The following ZNF804B variants were observed in gnomAD, a reference collection of about 807,000 sequenced individuals.
ZNF804B encodes the protein zinc finger protein 804B.
ZNF804B carries 80 observed loss-of-function variants against 101.4 expected under a neutral mutation model. The observed-to-expected ratio is 0.79, with a 90% CI of 0.66 to 0.95. The LOEUF is 0.95. ZNF804B is among the 40% of genes least tolerant of loss of function. The probability of loss-of-function intolerance (pLI) is 0.00; values close to 1 mark genes in which losing one functional copy is unlikely to be tolerated. For synonymous variants in ZNF804B, 622 were observed against 558.8 expected (o/e 1.11, Z -1.59); for missense variants, 1,673 against 1,561.9 (o/e 1.07, Z -1.20).
At chr7:89,023,876 A>G (rs1788706550) in intron 1 of ZNF804B, among the ~76,000 whole-genome samples, 1 of 152,146 alleles carries the variant, frequency 6.6e-6, no homozygotes, top group Non-Finnish European at 1.5e-5. Flanking sequence ...TCATGTCACA[A>G]TTTTCCCACA....
intron 3 of ZNF804B, among the ~76,000 whole-genome samples, chr7:89,328,393 T>C (rs58322479): frequency 0.024 from 3,629 of 151,910 alleles, 118 homozygotes; most frequent in African/African-American, 0.082. Flanking sequence ...TTTATGAAAA[T>C]ACATAAAAGA....
chr7:89,134,528 A>G (rs919888744), intron 1 of ZNF804B, among the ~76,000 whole-genome samples: 11 of 152,094 alleles, frequency 7.2e-5, no homozygotes, highest in African/African-American at 2.7e-4. Context: ...TCTTTCAGGC[A>G]TGTGACTCCC....
chr7:88,788,899 T>A (rs1364911519), intron 1 of ZNF804B, among the ~76,000 whole-genome samples: 2 of 152,118 alleles, frequency 1.3e-5, no homozygotes, highest in African/African-American at 4.8e-5. Flanking sequence ...TCAACTGAAA[T>A]TACAGGTGAA....
At chr7:89,054,748 G>A (rs1251854593) in intron 1 of ZNF804B, among the ~76,000 whole-genome samples, 1 of 152,030 alleles carries the variant, frequency 6.6e-6, no homozygotes, top group Non-Finnish European at 1.5e-5. Flanking sequence ...GGAAGAGGAG[G>A]TAGTCAGGTG....
At chr7:88,767,846 C>A (rs111501045) in intron 1 of ZNF804B, among the ~76,000 whole-genome samples, 2 of 152,210 alleles carry the variant, frequency 1.3e-5, no homozygotes, top group Non-Finnish European at 1.5e-5. Flanking sequence ...CCATTGCAGA[C>A]GCTGTTCCCT....
At chr7:88,841,294 C>T (rs1390435399) in intron 1 of ZNF804B, among the ~76,000 whole-genome samples, 1 of 152,154 alleles carries the variant, frequency 6.6e-6, no homozygotes, top group Non-Finnish European at 1.5e-5. Context: ...GCCAGAAAGA[C>T]CAACAATGTG....
At chr7:88,812,338 G>A (rs1395888137) in intron 1 of ZNF804B, among the ~76,000 whole-genome samples, 1 of 152,072 alleles carries the variant, frequency 6.6e-6, no homozygotes, top group Non-Finnish European at 1.5e-5. Flanking sequence ...CATTACGATG[G>A]CTACTATCAA....
chr7:89,152,916 C>G (rs1057256209), intron 1 of ZNF804B, among the ~76,000 whole-genome samples: 2 of 152,000 alleles, frequency 1.3e-5, no homozygotes, highest in African/African-American at 4.8e-5. Context: ...GGCCTTTGCC[C>G]CTGCCACCTT....
At chr7:89,241,236 T>G (rs1789365387) in intron 2 of ZNF804B, among the ~76,000 whole-genome samples, 1 of 152,126 alleles carries the variant, frequency 6.6e-6, no homozygotes, top group Admixed American at 6.6e-5. Context: ...TTCCATTCCC[T>G]TTATAAACAG....
At position 89,266,897 on chromosome 7, in the gene ZNF804B, G is replaced by C. The variant is rs942801194; in HGVS notation, c.249+48602G>C. On this transcript the variant is annotated intron_variant, in intron 2 of 3. Coordinates refer to ENST00000333190, the MANE Select transcript of ZNF804B (RefSeq NM_181646.5). ...TGTGTTTGTGTGTGTGTGTGTCTTT[G>C]GGAGTGTTGGCAATGGAAAGAAGTT... 1.7e-4 allele frequency among the ~76,000 whole-genome samples: 26 copies of C among 152,060 alleles called. 1 individual carries two copies. The highest frequency in any genetic ancestry group is 1.7e-3 in the Admixed American group (26 of 15,252).
chr7:89,009,600 G>A (rs1406826825), intron 1 of ZNF804B, among the ~76,000 whole-genome samples: 1 of 152,162 alleles, frequency 6.6e-6, no homozygotes, highest in Non-Finnish European at 1.5e-5. Context: ...TTTGAAAAGT[G>A]ATGAGGGCAT....
chr7:89,285,260 C>G (rs907052349), intron 2 of ZNF804B, among the ~76,000 whole-genome samples: 49 of 151,630 alleles, frequency 3.2e-4, no homozygotes, highest in African/African-American at 1.1e-3. Flanking sequence ...CGGTGGCTCA[C>G]GCCTGTAATC....
intron 2 of ZNF804B, 21 bp downstream of exon 2, chr7:89,218,316 T>G: frequency 6.2e-7 from 1 of 1,612,842 alleles, no homozygotes; most frequent in Non-Finnish European, 8.5e-7. Context: ...GTGGGAAAAG[T>G]CCTTCATATT....
chr7:89,322,637 G>A (rs763187989), intron 2 of ZNF804B, among the ~76,000 whole-genome samples: 1 of 151,832 alleles, frequency 6.6e-6, no homozygotes, highest in Admixed American at 6.6e-5. Context: ...GAAAATTTTT[G>A]GAACAATGTT....
chr7:89,094,386 C>T (rs2116329612), intron 1 of ZNF804B, among the ~76,000 whole-genome samples: 1 of 152,054 alleles, frequency 6.6e-6, no homozygotes, highest in East Asian at 1.9e-4. Flanking sequence ...GAACTCTTTC[C>T]AGTTGTCTTT....
At chr7:89,216,131 C>T (rs569246447) in intron 1 of ZNF804B, among the ~76,000 whole-genome samples, 4 of 151,972 alleles carry the variant, frequency 2.6e-5, no homozygotes, top group African/African-American at 9.6e-5. Flanking sequence ...TGGTGAAACC[C>T]CGTCTCTACT....
intron 1 of ZNF804B, among the ~76,000 whole-genome samples, chr7:88,996,698 GC>G (rs1197011637): frequency 6.6e-6 from 1 of 152,186 alleles, no homozygotes; most frequent in East Asian, 1.9e-4. Flanking sequence ...GCTATATAGA[GC>G]TTTGTCTTAT....
At chr7:89,232,280 T>A (rs73705782) in intron 2 of ZNF804B, among the ~76,000 whole-genome samples, 2,155 of 152,254 alleles carry the variant, frequency 0.014, 61 homozygotes, top group African/African-American at 0.05. Flanking sequence ...GGAGTAAATC[T>A]CACTCATGGT....
At chr7:89,249,029 TAAAA>T (rs58553222) in intron 2 of ZNF804B, among the ~76,000 whole-genome samples, 2 of 119,234 alleles carry the variant, frequency 1.7e-5, no homozygotes, top group African/African-American at 3.0e-5. Flanking sequence ...CCAATAACAG[TAAAA>T]AAAAAAAAAA....
Sources: allele counts gnomAD v4.1 joint callset (sites outside exome capture counted in the v4.1 genomes callset), GRCh38; gene constraint gnomAD v4.1.1; transcripts MANE v1.5; gene names NCBI Gene and HGNC (gene_info 2026-07-23, HGNC 2026-07-21).